The following CCSER1 variants were observed in gnomAD, a reference collection of about 807,000 sequenced individuals.
The protein encoded by CCSER1 is coiled-coil serine rich protein 1, also known as serine-rich coiled-coil domain-containing protein 1.
In CCSER1, 41 loss-of-function variants were observed where a neutral mutation model predicts 82.0. That is an observed-to-expected ratio of 0.50 (90% CI 0.39 to 0.65). The LOEUF (loss-of-function observed/expected upper bound fraction) is 0.65. Ranked by LOEUF, CCSER1 falls within the 30% of genes least tolerant of loss-of-function variation. The pLI is 0.00. For synonymous variants in CCSER1, 414 were observed against 383.9 expected (o/e 1.08, Z -0.92); for missense variants, 1,119 against 1,064.2 (o/e 1.05, Z -0.72).
intron 5 of CCSER1, among the ~76,000 whole-genome samples, chr4:90,534,488 T>TGTGTGA: frequency 6.9e-6 from 1 of 145,604 alleles, no homozygotes; most frequent in South Asian, 2.2e-4. Flanking sequence ...TGTGTGTGTG[T>TGTGTGA]GATGTTTACC....
intron 10 of CCSER1, among the ~76,000 whole-genome samples, chr4:91,572,056 G>A (rs1763212282): frequency 6.6e-6 from 1 of 152,114 alleles, no homozygotes; most frequent in Admixed American, 6.5e-5. Context: ...TCAGGGAGTT[G>A]CCAAGTTGCT....
At chr4:90,750,217 G>A (rs899501727) in intron 7 of CCSER1, among the ~76,000 whole-genome samples, 11 of 151,900 alleles carry the variant, frequency 7.2e-5, no homozygotes, top group African/African-American at 1.9e-4. Context: ...AGTAGGTTGC[G>A]AAAATTTTCT....
chr4:90,369,639 G>A (rs1385910104), intron 3 of CCSER1, among the ~76,000 whole-genome samples: 1 of 151,944 alleles, frequency 6.6e-6, no homozygotes. Flanking sequence ...TTAATTGGGA[G>A]TGTACTAATA....
intron 10 of CCSER1, among the ~76,000 whole-genome samples, chr4:91,490,697 C>G (rs9307096): frequency 0.72 from 106,624 of 148,136 alleles, 39,416 homozygotes; most frequent in East Asian, 0.93. Flanking sequence ...TTGTGCTACA[C>G]TTAACAGTGT....
chr4:90,950,706 C>G (rs972725965), intron 9 of CCSER1, among the ~76,000 whole-genome samples: 1 of 152,040 alleles, frequency 6.6e-6, no homozygotes, highest in Non-Finnish European at 1.5e-5. Flanking sequence ...AGGGTTTCAG[C>G]CTGGTTATCT....
At chr4:90,740,692 A>G (rs1746402451) in intron 7 of CCSER1, among the ~76,000 whole-genome samples, 1 of 152,086 alleles carries the variant, frequency 6.6e-6, no homozygotes, top group Admixed American at 6.5e-5. Flanking sequence ...CAGTTCACAC[A>G]TTCATTTTCT....
At chr4:91,473,032 C>T (rs1055061955) in intron 10 of CCSER1, among the ~76,000 whole-genome samples, 2 of 149,684 alleles carry the variant, frequency 1.3e-5, no homozygotes, top group African/African-American at 4.9e-5. Context: ...TTACTACCAA[C>T]TCCAAATTCC....
chr4:90,296,973 T>C (rs1732085974), intron 1 of CCSER1, among the ~76,000 whole-genome samples: 1 of 152,124 alleles, frequency 6.6e-6, no homozygotes, highest in South Asian at 2.1e-4. Context: ...CTTGGCAATG[T>C]GGGCTCTTTT....
intron 10 of CCSER1, among the ~76,000 whole-genome samples, chr4:91,401,143 C>G (rs192550323): frequency 6.6e-6 from 1 of 151,544 alleles, no homozygotes; most frequent in Non-Finnish European, 1.5e-5. Flanking sequence ...CATTACCTCA[C>G]GTGCCCATCT....
At chr4:90,208,806 G>T (rs1212117555) in intron 1 of CCSER1, among the ~76,000 whole-genome samples, 1 of 152,126 alleles carries the variant, frequency 6.6e-6, no homozygotes, top group East Asian at 1.9e-4. Flanking sequence ...GCCCTATCTT[G>T]CTTCAGCTCG....
At chr4:90,483,210 T>A (rs1766375202) in intron 5 of CCSER1, among the ~76,000 whole-genome samples, 2 of 152,198 alleles carry the variant, frequency 1.3e-5, no homozygotes, top group African/African-American at 4.8e-5. Flanking sequence ...CCTTTTTTTG[T>A]TTTCCGTTTG....
At chr4:91,216,714 C>T (rs959715932) in intron 10 of CCSER1, among the ~76,000 whole-genome samples, 2 of 152,080 alleles carry the variant, frequency 1.3e-5, no homozygotes, top group East Asian at 1.9e-4. Context: ...ATTATTTTAC[C>T]CTGTTACATT....
intron 10 of CCSER1, among the ~76,000 whole-genome samples, chr4:91,548,958 C>T (rs575547072): frequency 1.3e-5 from 2 of 151,884 alleles, no homozygotes; most frequent in South Asian, 4.1e-4. Flanking sequence ...CTGTTTTTTT[C>T]TCTCATGCTT....
chr4:90,704,887 C>G (rs1738993120), intron 6 of CCSER1, among the ~76,000 whole-genome samples: 2 of 152,086 alleles, frequency 1.3e-5, no homozygotes, highest in Non-Finnish European at 2.9e-5. Flanking sequence ...AATCTTTTTT[C>G]AAGGTTTTTA....
At chr4:90,440,004 T>C (rs1400418517) in intron 4 of CCSER1, among the ~76,000 whole-genome samples, 1 of 152,082 alleles carries the variant, frequency 6.6e-6, no homozygotes, top group African/African-American at 2.4e-5. Flanking sequence ...GTTTTGTTAT[T>C]TTATTTTTTT....
chr4:91,294,421 T>C (rs925148682), intron 10 of CCSER1, among the ~76,000 whole-genome samples: 3 of 151,814 alleles, frequency 2.0e-5, no homozygotes, highest in East Asian at 2.0e-4. Context: ...TAAAATAATA[T>C]GTCGAACTCT....
At chr4:90,154,322 A>G (rs1727571678) in intron 1 of CCSER1, among the ~76,000 whole-genome samples, 1 of 152,202 alleles carries the variant, frequency 6.6e-6, no homozygotes, top group Admixed American at 6.5e-5. Flanking sequence ...TGACGCCTCC[A>G]GCTTTGTTCT....
chr4:91,450,488 C>T (rs927000015), intron 10 of CCSER1, among the ~76,000 whole-genome samples: 1 of 151,952 alleles, frequency 6.6e-6, no homozygotes, highest in African/African-American at 2.4e-5. Context: ...AGGTTTCACA[C>T]ATCGGACTAT....
At chr4:90,731,806 C>G (rs185901078) in intron 7 of CCSER1, among the ~76,000 whole-genome samples, 277 of 152,226 alleles carry the variant, frequency 1.8e-3, no homozygotes, top group Non-Finnish European at 2.5e-3. Context: ...TAAACCATCT[C>G]AAAACCTGTC....
Sources: allele counts gnomAD v4.1 joint callset (sites outside exome capture counted in the v4.1 genomes callset), GRCh38; gene constraint gnomAD v4.1.1; transcripts MANE v1.5; gene names NCBI Gene and HGNC (gene_info 2026-07-23, HGNC 2026-07-21).